Variants in DYNLL2 observed in about 807,000 individuals in gnomAD.
DYNLL2 encodes the protein dynein light chain 2, cytoplasmic.
In DYNLL2, 1 loss-of-function variant was observed where a neutral mutation model predicts 9.7. The ratio of observed to expected loss-of-function variants is 0.10; its 90% CI spans 0.04 to 0.49. The LOEUF (loss-of-function observed/expected upper bound fraction) is 0.49. Among genes scored for constraint, DYNLL2 ranks in the 20% least tolerant of loss-of-function variants. The probability of loss-of-function intolerance (pLI) is 0.95; values close to 1 mark genes in which losing one functional copy is unlikely to be tolerated. For missense variants in DYNLL2, 37 were observed against 115.2 expected (o/e 0.32, Z 3.11); for synonymous variants, 35 against 40.5 (o/e 0.86, Z 0.52).
At position 58,091,140 on chromosome 17, in the gene DYNLL2, T is replaced by C. The variant is rs1327569265; in HGVS notation, c.*1861T>C. On this transcript the variant is annotated 3_prime_UTR_variant, in exon 3 of 3. Coordinates refer to ENST00000579991, the MANE Select transcript of DYNLL2 (RefSeq NM_080677.3). Reference sequence around the variant, plus strand: ...TGGTTTGTGTTCATCTCTCCCTCATTTCTGGAGCAGGGCCTGAGACCCTGC... The same window carrying C: ...TGGTTTGTGTTCATCTCTCCCTCATCTCTGGAGCAGGGCCTGAGACCCTGC... 2 of 152,178 alleles carry C rather than the reference T, an allele frequency of 1.3e-5. No homozygotes were observed. Among genetic ancestry groups the C allele is most frequent in the African/African-American group, 4.8e-5 (2 of 41,386 alleles). The allele number at this position is 152,178 out of a possible 1,614,324, so 9.4% of individuals were successfully genotyped here.
rs1217975355 is a variant in DYNLL2 at position 58,089,033 on chromosome 17, TAAC to T, written c.133-105_133-103del. On this transcript the variant is annotated intron_variant, in intron 2 of 2. Coordinates refer to ENST00000579991, the MANE Select transcript of DYNLL2 (RefSeq NM_080677.3). ...AGGCTGAGGGATGGGGTGGGGGTGA[TAAC>T]AACCAAACGTGTCGGTGCTGGAGTT... 6.4e-6 allele frequency: 9 copies of T among 1,416,236 alleles called. No individual in the cohort carries two copies. The Admixed American group carries it at 9.5e-5, about 15-fold the overall frequency. The allele number at this position is 1,416,236 out of a possible 1,614,324, so 87.7% of individuals were successfully genotyped here.
intron 1 of DYNLL2, among the ~76,000 whole-genome samples, chr17:58,086,250 G>C (rs2143593693): frequency 6.6e-6 from 1 of 152,324 alleles, no homozygotes; most frequent in Admixed American, 6.5e-5. Context: ...GGGGTTGGCA[G>C]CATTTTTCTG....
chr17:58,085,007 A>G (rs1408142140), intron 1 of DYNLL2, among the ~76,000 whole-genome samples: 1 of 152,216 alleles, frequency 6.6e-6, no homozygotes, highest in Non-Finnish European at 1.5e-5. Context: ...AACCATTAGT[A>G]TTTAAAATGA....
At position 58,089,418 on chromosome 17, in the gene DYNLL2, A is replaced by C; in HGVS notation, c.*139A>C. 1 of 1,140,822 alleles carries C rather than the reference A, an allele frequency of 8.8e-7. No homozygotes were observed. The highest frequency in any genetic ancestry group is 1.2e-6 in the Non-Finnish European group (1 of 824,186). 70.7% of individuals were successfully genotyped at this position (1,140,822 alleles called of 1,614,324 possible). On this transcript the variant is annotated 3_prime_UTR_variant, in exon 3 of 3. Transcript: ENST00000579991. ...CTGCATGGACTGTATACTCGATTTCATGTGTATGTCGCAGTAAACAAAACC... is the reference window on the plus strand; with the variant it reads ...CTGCATGGACTGTATACTCGATTTCCTGTGTATGTCGCAGTAAACAAAACC...
At chr17:58,087,674 C>G (rs1028739847) in intron 2 of DYNLL2, among the ~76,000 whole-genome samples, 5 of 152,050 alleles carry the variant, frequency 3.3e-5, no homozygotes, top group Admixed American at 2.0e-4. Flanking sequence ...TTTTCTTTTC[C>G]TTAAAAAGGA....
Position 58,095,470 on chromosome 17 carries a change from A to G in DYNLL2, c.*6191A>G, listed in dbSNP as rs2075794793. ...GGGGTTACCTTCCTTGAAGCAGTTA[A>G]TGTTATGAGATTTTGTGTCTCCTTT... is the stretch of plus-strand genomic sequence containing the variant. On this transcript the variant is annotated 3_prime_UTR_variant, in exon 3 of 3. Transcript: ENST00000579991. 6.6e-6 allele frequency: 1 copy of G among 152,220 alleles called. No homozygotes were observed. The highest frequency in any genetic ancestry group is 6.5e-5 in the Admixed American group (1 of 15,284). 9.4% of individuals were successfully genotyped at this position (152,220 alleles called of 1,614,324 possible). A position where few individuals can be genotyped will look rare whatever the true frequency, so the allele number is the denominator to read the frequency against.
In DYNLL2 at chr17:58,083,456, GGAGCGGGC is replaced by G. The variant is rs935237513; in HGVS notation, c.-235_-228del. 8.9e-6 allele frequency: 1 copy of G among 111,984 alleles called. No homozygotes were observed. The highest frequency in any genetic ancestry group is 3.2e-5 in the African/African-American group (1 of 31,582). The allele number at this position is 111,984 out of a possible 1,614,324, so 6.9% of individuals were successfully genotyped here. On this transcript the variant is annotated 5_prime_UTR_variant, in exon 1 of 3. Transcript: ENST00000579991. ...GAGCGGAGCTGTGAGGCGCCAGTGC[GGAGCGGGC>G]GGGCGGGCGGGCGGCGTGAGGCGGA...
In DYNLL2 at chr17:58,094,674, C is replaced by T. The variant is rs377763760; in HGVS notation, c.*5395C>T. 6.6e-6 allele frequency: 1 copy of T among 152,166 alleles called. No individual in the cohort carries two copies. Among genetic ancestry groups the T allele is most frequent in the African/African-American group, 2.4e-5 (1 of 41,430 alleles). 9.4% of individuals were successfully genotyped at this position (152,166 alleles called of 1,614,324 possible). On this transcript the variant is annotated 3_prime_UTR_variant, in exon 3 of 3. Transcript: ENST00000579991. Reference sequence around the variant, plus strand: ...AGTTCAGCAGTTTTTAGCATATACACGAATTTGTGCAGCCATAACCACTAT... The same window carrying T: ...AGTTCAGCAGTTTTTAGCATATACATGAATTTGTGCAGCCATAACCACTAT...
At position 58,089,810 on chromosome 17, in the gene DYNLL2, C is replaced by T. The variant is rs954874077; in HGVS notation, c.*531C>T. 17 of 398,656 alleles carry T rather than the reference C, an allele frequency of 4.3e-5. No individual in the cohort carries two copies. Among genetic ancestry groups the T allele is most frequent in the Non-Finnish European group, 6.6e-5 (15 of 226,356 alleles). The allele number at this position is 398,656 out of a possible 1,614,324, so 24.7% of individuals were successfully genotyped here. On this transcript the variant is annotated 3_prime_UTR_variant, in exon 3 of 3. Coordinates refer to ENST00000579991, the MANE Select transcript of DYNLL2 (RefSeq NM_080677.3). ...ATCTAGTACCAGGGAGAATATTCCACTGAACTGTGATTCTATGGCTTGGGG... is the reference window on the plus strand; with the variant it reads ...ATCTAGTACCAGGGAGAATATTCCATTGAACTGTGATTCTATGGCTTGGGG...
intron 1 of DYNLL2, among the ~76,000 whole-genome samples, chr17:58,085,700 A>G (rs575107552): frequency 2.2e-4 from 34 of 152,322 alleles, no homozygotes; most frequent in African/African-American, 7.5e-4. Context: ...TTGCTATGGC[A>G]TGAATGGCAT....
rs907246705 is a variant in DYNLL2, at chr17:58,092,545, T to G, written c.*3266T>G. ...TTCTCTCGGAACAATGCAGCCATTA[T>G]TAGAACTGTGCCCATAGGAGCATCA... On this transcript the variant is annotated 3_prime_UTR_variant, in exon 3 of 3. Coordinates refer to ENST00000579991, the MANE Select transcript of DYNLL2 (RefSeq NM_080677.3). 1 of 152,260 alleles carries G rather than the reference T, an allele frequency of 6.6e-6. No individual in the cohort carries two copies. The highest frequency in any genetic ancestry group is 1.5e-5 in the Non-Finnish European group (1 of 68,066). 9.4% of individuals were successfully genotyped at this position (152,260 alleles called of 1,614,324 possible).
Position 58,089,298 on chromosome 17 carries a change from T to G in DYNLL2, c.*19T>G, listed in dbSNP as rs2075771507. 2 of 1,608,350 alleles carry G rather than the reference T, an allele frequency of 1.2e-6. No individual in the cohort carries two copies. The highest frequency in any genetic ancestry group is 1.7e-5 in the Admixed American group (1 of 58,720). The stretch of plus-strand genomic sequence containing the variant: ...AGGCTAGGTGGCCATGGTGAAGGTG[T>G]CAGTGGCGGCGGCAGCGATGGCAAG... On this transcript the variant is annotated 3_prime_UTR_variant, in exon 3 of 3. Coordinates refer to ENST00000579991, the MANE Select transcript of DYNLL2 (RefSeq NM_080677.3).
chr17:58,086,734 G>C (rs183492381), intron 1 of DYNLL2, among the ~76,000 whole-genome samples: 158 of 152,260 alleles, frequency 1.0e-3, no homozygotes, highest in African/African-American at 3.7e-3. Flanking sequence ...AAAACACAAG[G>C]ATTAAGTAAC....
At chr17:58,086,991 C>A in intron 1 of DYNLL2, 91 bp from the exon 2 acceptor site, 2 of 1,490,648 alleles carry the variant, frequency 1.3e-6, no homozygotes, top group Admixed American at 1.8e-5. Flanking sequence ...CTTCTATACT[C>A]CCCTCTTGCA....
intron 2 of DYNLL2, among the ~76,000 whole-genome samples, chr17:58,088,407 A>G (rs964264476): frequency 2.6e-5 from 4 of 152,244 alleles, no homozygotes; most frequent in African/African-American, 7.2e-5. Context: ...TGGTGGGCCC[A>G]TGGTGGAGGG....
chr17:58,084,301 G>A lies in DYNLL2; in HGVS notation c.-10+618G>A, dbSNP rs1372173001. ...GGGATACGGCCCACTTGGAGAGCCC[G>A]AAGAGGGAAGTAGAAGTGTGTGTGT... On this transcript the variant is annotated intron_variant, in intron 1 of 2. Transcript: ENST00000579991. Among the ~76,000 whole-genome samples the A allele has an allele frequency of 3.3e-5, 5 of 152,214 alleles. No homozygotes were observed. In the East Asian group the frequency reaches 9.7e-4, roughly 29 times the overall value.
chr17:58,088,754 C>T (rs2075769555), intron 2 of DYNLL2, among the ~76,000 whole-genome samples: 1 of 152,128 alleles, frequency 6.6e-6, no homozygotes, highest in African/African-American at 2.4e-5. Flanking sequence ...TGGTGGCTCC[C>T]CATTTGTGTC....
rs556028195 is a variant in DYNLL2, at chr17:58,083,446, G to A, written c.-247G>A. ...CGGCAGAGCGGAGCGGAGCTGTGAG[G>A]CGCCAGTGCGGAGCGGGCGGGCGGG... is the stretch of plus-strand genomic sequence containing the variant. On this transcript the variant is annotated 5_prime_UTR_variant, in exon 1 of 3. Transcript: ENST00000579991. 1 of 130,426 alleles carries A rather than the reference G, an allele frequency of 7.7e-6. No homozygotes were observed. The highest frequency in any genetic ancestry group is 2.4e-4 in the South Asian group (1 of 4,102). The allele number at this position is 130,426 out of a possible 1,614,324, so 8.1% of individuals were successfully genotyped here.
intron 1 of DYNLL2, among the ~76,000 whole-genome samples, chr17:58,085,594 C>G (rs1345147871): frequency 6.6e-6 from 1 of 152,134 alleles, no homozygotes; most frequent in African/African-American, 2.4e-5. Flanking sequence ...CCCTCTGTTC[C>G]TGCATAGTAC....
Sources: gnomAD v4.1 joint callset for allele counts (sites outside exome capture counted in the v4.1 genomes callset) on GRCh38, gnomAD v4.1.1 for gene constraint, MANE v1.5 for transcripts, NCBI Gene and HGNC (gene_info 2026-07-23, HGNC 2026-07-21) for gene names.